The following NINJ2 variants were observed in gnomAD, a reference collection of about 807,000 sequenced individuals.
NINJ2 encodes the protein ninjurin 2.
In NINJ2, 12 loss-of-function variants were observed where a neutral mutation model predicts 11.7. That is an observed-to-expected ratio of 1.02 (90% confidence interval 0.66 to 1.66). The LOEUF is 1.66. Ranked by LOEUF, NINJ2 falls within the 40% of genes most tolerant of loss-of-function variation. The probability of loss-of-function intolerance (pLI) is 0.00; values close to 1 mark genes in which losing one functional copy is unlikely to be tolerated. For missense variants in NINJ2, 187 were observed against 181.8 expected (o/e 1.03, Z -0.16); for synonymous variants, 93 against 76.8 (o/e 1.21, Z -1.10).
At chr12:587,687 C>T (rs552394372) in intron 1 of NINJ2, among the ~76,000 whole-genome samples, 1 of 152,144 alleles carries the variant, frequency 6.6e-6, no homozygotes. Flanking sequence ...GGCCTCTGTG[C>T]AGGTGGGGGG....
rs189107341 is a variant in NINJ2 at position 603,421 on chromosome 12, T to C, written c.34-37243A>G. 1.2e-3 allele frequency among the ~76,000 whole-genome samples: 180 copies of C among 152,358 alleles called. 2 individuals are homozygous for C. Among genetic ancestry groups the C allele is most frequent in the African/African-American group, 4.2e-3 (174 of 41,594 alleles). On this transcript the variant is annotated intron_variant, in intron 1 of 3. Transcript: ENST00000305108. ...TTTGAAACGCAACCTTTTTTAATAT[T>C]CATGAAGCCCAATTTATTTTTCCTC...
intron 1 of NINJ2, among the ~76,000 whole-genome samples, chr12:606,029 CTTATT>C (rs1376782268): frequency 6.6e-6 from 1 of 152,116 alleles, no homozygotes. Context: ...AGAACTGTGT[CTTATT>C]TTAGTTTATT....
intron 1 of NINJ2, among the ~76,000 whole-genome samples, chr12:619,106 A>T (rs1019861109): frequency 6.6e-6 from 1 of 152,096 alleles, no homozygotes; most frequent in Non-Finnish European, 1.5e-5. Context: ...TTTTGAGGAG[A>T]GCAGTGGCTA....
intron 1 of NINJ2, among the ~76,000 whole-genome samples, chr12:587,310 T>G (rs956965836): frequency 5.3e-5 from 8 of 152,154 alleles, no homozygotes; most frequent in African/African-American, 1.9e-4. Flanking sequence ...CCCCTGGCAA[T>G]GCAGACAGGC....
intron 1 of NINJ2, among the ~76,000 whole-genome samples, chr12:622,463 A>C (rs1438413855): frequency 6.6e-6 from 1 of 151,622 alleles, no homozygotes; most frequent in Non-Finnish European, 1.5e-5. Flanking sequence ...GGGCTACCTA[A>C]AGAGAGGAAG....
rs763966511 is a variant in NINJ2, at chr12:643,337, C to T, written c.33+19991G>A. The T allele has an allele frequency of 9.0e-5, 62 of 690,836 alleles. 1 individual carries two copies. The South Asian group carries it at 3.7e-3, about 41-fold the overall frequency. The allele number at this position is 690,836 out of a possible 1,614,324, so 42.8% of individuals were successfully genotyped here. The stretch of plus-strand genomic sequence containing the variant: ...GCCTCGCAGCCTCGCAGCCCCGCGC[C>T]GGGTGGGGAGGGGAGGGTGGCGTTC... On this transcript the variant is annotated intron_variant, in intron 1 of 3. Transcript: ENST00000305108.
intron 1 of NINJ2, among the ~76,000 whole-genome samples, chr12:579,727 C>A (rs1453420985): frequency 6.6e-6 from 1 of 152,156 alleles, no homozygotes; most frequent in Admixed American, 6.6e-5. Flanking sequence ...GCCTACCCAA[C>A]CTCCTTTTAA....
intron 1 of NINJ2, among the ~76,000 whole-genome samples, chr12:660,274 C>T (rs1592121885): frequency 8.1e-6 from 1 of 123,824 alleles, no homozygotes. Flanking sequence ...TGTGACACAG[C>T]AAGATCCTGT....
rs1459365286 is a variant in NINJ2, at chr12:623,556, C to T, written c.33+39772G>A. 3.3e-5 allele frequency among the ~76,000 whole-genome samples: 5 copies of T among 152,362 alleles called. No homozygotes were observed. The East Asian group carries it at 7.7e-4, about 23-fold the overall frequency. On this transcript the variant is annotated intron_variant, in intron 1 of 3. Coordinates refer to ENST00000305108, the MANE Select transcript of NINJ2 (RefSeq NM_016533.6). ...AGCCTAGTTGTTATTTACCAACTTG[C>T]GTCCAAATCCACTCTTGGGCTTAGT...
At chr12:630,159 C>T (rs1299236101) in intron 1 of NINJ2, among the ~76,000 whole-genome samples, 2 of 151,718 alleles carry the variant, frequency 1.3e-5, no homozygotes, top group Non-Finnish European at 2.9e-5. Context: ...TCTTAGGTTC[C>T]TTCCCCAGGA....
intron 1 of NINJ2, among the ~76,000 whole-genome samples, chr12:576,787 T>G (rs917580258): frequency 2.6e-5 from 4 of 152,130 alleles, no homozygotes; most frequent in Non-Finnish European, 5.9e-5. Context: ...ACACAGAAAT[T>G]TCCAAAGAAT....
intron 1 of NINJ2, chr12:586,261 A>T (rs1158895914): frequency 6.6e-6 from 1 of 152,308 alleles, no homozygotes; most frequent in Non-Finnish European, 1.5e-5. Context: ...GAAGAGCAGG[A>T]GATAAGAACT....
At chr12:652,005 C>T (rs1387536965) in intron 1 of NINJ2, among the ~76,000 whole-genome samples, 1 of 151,894 alleles carries the variant, frequency 6.6e-6, no homozygotes, top group Non-Finnish European at 1.5e-5. Flanking sequence ...AAGGAGGAGG[C>T]AGAAAGGAAC....
chr12:658,091 C>T (rs1325604626), intron 1 of NINJ2, among the ~76,000 whole-genome samples: 18 of 149,678 alleles, frequency 1.2e-4, no homozygotes, highest in South Asian at 6.4e-4. Context: ...CTCCGCCTCC[C>T]GGGTTCAAGC....
intron 1 of NINJ2, among the ~76,000 whole-genome samples, chr12:613,628 G>A (rs1031189062): frequency 3.9e-5 from 6 of 152,040 alleles, no homozygotes; most frequent in East Asian, 3.9e-4. Context: ...TAAATAGGCC[G>A]GGCGCGGTGG....
intron 1 of NINJ2, among the ~76,000 whole-genome samples, chr12:586,910 GTAT>G (rs1947646229): frequency 6.6e-6 from 1 of 152,192 alleles, no homozygotes; most frequent in Non-Finnish European, 1.5e-5. Context: ...CTGGGCTCTG[GTAT>G]TGTGGAATGG....
chr12:627,488 G>A (rs1565640733), intron 1 of NINJ2, among the ~76,000 whole-genome samples: 2 of 152,218 alleles, frequency 1.3e-5, no homozygotes, highest in Admixed American at 1.3e-4. Context: ...CATGGAGGAG[G>A]TGAGACTGAC....
intron 1 of NINJ2, among the ~76,000 whole-genome samples, chr12:629,896 A>AAAAAAAAATAT: frequency 9.1e-4 from 9 of 9,902 alleles, no homozygotes; most frequent in African/African-American, 1.0e-3. Flanking sequence ...AAAAAAAAAA[A>AAAAAAAAATAT]ATATATATAT....
At chr12:635,518 G>A (rs1474727429) in intron 1 of NINJ2, among the ~76,000 whole-genome samples, 2 of 152,144 alleles carry the variant, frequency 1.3e-5, no homozygotes, top group Non-Finnish European at 2.9e-5. Flanking sequence ...GGAAAAACTG[G>A]ATAGTCCCAC....
Sources: allele counts gnomAD v4.1 joint callset (sites outside exome capture counted in the v4.1 genomes callset), GRCh38; gene constraint gnomAD v4.1.1; transcripts MANE v1.5; gene names NCBI Gene and HGNC (gene_info 2026-07-23, HGNC 2026-07-21).